Variants in KIF26B observed in about 807,000 individuals in gnomAD.
KIF26B encodes kinesin family member 26B.
Under a neutral mutation model 151.2 loss-of-function variants are expected in KIF26B, and 63 were observed. The observed-to-expected ratio is 0.42, with a 90% CI of 0.34 to 0.51. KIF26B has a LOEUF of 0.51. Ranked by LOEUF, KIF26B falls within the 20% of genes least tolerant of loss-of-function variation. KIF26B has a pLI of 0.07. For synonymous variants in KIF26B, 1,357 were observed against 1,262.1 expected (o/e 1.08, Z -1.59); for missense variants, 2,813 against 2,913.6 (o/e 0.97, Z 0.79).
At chr1:245,441,135 C>T (rs1160412226) in intron 4 of KIF26B, among the ~76,000 whole-genome samples, 5 of 152,136 alleles carry the variant, frequency 3.3e-5, no homozygotes, top group Middle Eastern at 3.2e-3. Context: ...CAGCCATCTG[C>T]GTGCTTGGAA....
At chr1:245,636,622 C>T (rs2043837178) in intron 9 of KIF26B, among the ~76,000 whole-genome samples, 1 of 151,822 alleles carries the variant, frequency 6.6e-6, no homozygotes, top group Non-Finnish European at 1.5e-5. Context: ...ATGTTTGTAC[C>T]TGCTAACCAA....
intron 5 of KIF26B, among the ~76,000 whole-genome samples, chr1:245,561,521 G>C (rs1299873819): frequency 6.6e-6 from 1 of 152,172 alleles, no homozygotes; most frequent in African/African-American, 2.4e-5. Context: ...TCTTCCCTAG[G>C]GCTGGGTACT....
intron 5 of KIF26B, among the ~76,000 whole-genome samples, chr1:245,589,066 T>C (rs973290314): frequency 3.3e-5 from 5 of 152,180 alleles, no homozygotes; most frequent in Non-Finnish European, 7.3e-5. Flanking sequence ...TCAGTATACG[T>C]CGGGCTCTTA....
chr1:245,707,318 G>A lies in KIF26B; in HGVS notation c.*4712G>A, dbSNP rs188515328. On this transcript the variant is annotated 3_prime_UTR_variant, in exon 15 of 15. Transcript: ENST00000407071. ...TCCCAAGGTCCACACGTGTGGAGGC[G>A]AGTACTGAAATACCACACTCACACA... The A allele has an allele frequency of 7.2e-5, 11 of 152,194 alleles. No individual in the cohort carries two copies. The highest frequency in any genetic ancestry group is 3.9e-4 in the East Asian group (2 of 5,178). The allele number at this position is 152,194 out of a possible 1,614,324, so 9.4% of individuals were successfully genotyped here.
chr1:245,547,135 G>C lies in KIF26B; in HGVS notation c.1350+6185G>C, dbSNP rs1218323203. On this transcript the variant is annotated intron_variant, in intron 5 of 14. Coordinates refer to ENST00000407071, the MANE Select transcript of KIF26B (RefSeq NM_018012.4). ...CTGCCAGAAGGGCCATGCTATTTCTGGGGCAAACCTGAAAGACCTCAGACA... is the reference window on the plus strand; with the variant it reads ...CTGCCAGAAGGGCCATGCTATTTCTCGGGCAAACCTGAAAGACCTCAGACA... Among the ~76,000 whole-genome samples the C allele has an allele frequency of 2.0e-5, 3 of 152,228 alleles. No homozygotes were observed. The East Asian group carries it at 5.8e-4, about 29-fold the overall frequency.
chr1:245,653,679 C>T (rs1279598154), intron 10 of KIF26B, among the ~76,000 whole-genome samples: 1 of 152,130 alleles, frequency 6.6e-6, no homozygotes, highest in Non-Finnish European at 1.5e-5. Context: ...GAATATTGTG[C>T]TCGGTCAACA....
chr1:245,566,013 C>T lies in KIF26B; in HGVS notation c.1350+25063C>T, dbSNP rs533379046. ...CAGACTCTTTAAAACAACCATTTCT[C>T]ACATGAACTAACTGAGCGAGAGCTC... On this transcript the variant is annotated intron_variant, in intron 5 of 14. Coordinates refer to ENST00000407071, the MANE Select transcript of KIF26B (RefSeq NM_018012.4). Among the ~76,000 whole-genome samples, 8 of 152,338 alleles carry T rather than the reference C, an allele frequency of 5.3e-5. No individual in the cohort carries two copies. The South Asian group carries it at 1.7e-3, about 32-fold the overall frequency.
intron 2 of KIF26B, among the ~76,000 whole-genome samples, chr1:245,356,092 A>G (rs926677887): frequency 6.6e-6 from 1 of 152,162 alleles, no homozygotes; most frequent in African/African-American, 2.4e-5. Flanking sequence ...GAGCTTCCCA[A>G]GTGACTCTGC....
chr1:245,579,312 GA>G (rs944212443), intron 5 of KIF26B, among the ~76,000 whole-genome samples: 38 of 150,676 alleles, frequency 2.5e-4, no homozygotes, highest in Admixed American at 1.3e-3. Context: ...AATTTTCTAG[GA>G]AAAAAAAATA....
At position 245,356,730 on chromosome 1, in the gene KIF26B, C is replaced by CT. The variant is rs555812072; in HGVS notation, c.466-10104_466-10103insT. ...ATGACGCATTCCGCAGTGAACAACA[C>CT]AGACAAATGTGCCTGCTGTCACCTA... On this transcript the variant is annotated intron_variant, in intron 2 of 14. Transcript: ENST00000407071. 1.0e-3 allele frequency among the ~76,000 whole-genome samples: 158 copies of CT among 152,302 alleles called. 2 individuals carry two copies. The highest frequency in any genetic ancestry group is 3.5e-3 in the African/African-American group (147 of 41,566).
intron 9 of KIF26B, among the ~76,000 whole-genome samples, chr1:245,644,512 T>C (rs1168245292): frequency 6.6e-6 from 1 of 152,240 alleles, no homozygotes; most frequent in African/African-American, 2.4e-5. Flanking sequence ...AGTCTTTACT[T>C]TGTAAATATT....
At chr1:245,612,585 AAAC>A (rs2043539505) in intron 9 of KIF26B, among the ~76,000 whole-genome samples, 1 of 152,212 alleles carries the variant, frequency 6.6e-6, no homozygotes, top group Non-Finnish European at 1.5e-5. Context: ...TACAAAAAGA[AAAC>A]AACTGCCTGA....
intron 4 of KIF26B, among the ~76,000 whole-genome samples, chr1:245,498,194 G>A (rs969396472): frequency 2.0e-5 from 3 of 152,176 alleles, no homozygotes; most frequent in Non-Finnish European, 4.4e-5. Context: ...TGAGATGAGA[G>A]CCTGGGCTGT....
intron 2 of KIF26B, among the ~76,000 whole-genome samples, chr1:245,349,168 G>T (rs1469960083): frequency 6.6e-6 from 1 of 152,192 alleles, no homozygotes; most frequent in Non-Finnish European, 1.5e-5. Context: ...AATCAATGAA[G>T]TTGCCACAGG....
chr1:245,479,419 A>G (rs1010508642), intron 4 of KIF26B, among the ~76,000 whole-genome samples: 3 of 151,888 alleles, frequency 2.0e-5, no homozygotes, highest in African/African-American at 4.8e-5. Flanking sequence ...AGGCATATGC[A>G]TCAATATCGT....
intron 2 of KIF26B, chr1:245,353,919 A>T (rs1041568713): frequency 3.3e-5 from 5 of 152,616 alleles, no homozygotes; most frequent in African/African-American, 4.8e-5. Flanking sequence ...CCTCACAGGT[A>T]GGTCTTGGAG....
At chr1:245,399,113 C>G (rs1275584730) in intron 3 of KIF26B, among the ~76,000 whole-genome samples, 1 of 152,152 alleles carries the variant, frequency 6.6e-6, no homozygotes, top group Non-Finnish European at 1.5e-5. Context: ...CATTGTCTCC[C>G]TCCAGTGAGG....
At chr1:245,669,982 G>A (rs767170559) in intron 10 of KIF26B, among the ~76,000 whole-genome samples, 24 of 152,196 alleles carry the variant, frequency 1.6e-4, no homozygotes, top group Non-Finnish European at 3.1e-4. Flanking sequence ...TGGAGACTCC[G>A]AAGGGGAAAG....
chr1:245,321,707 A>G (rs1465863285), intron 2 of KIF26B, among the ~76,000 whole-genome samples: 1 of 152,236 alleles, frequency 6.6e-6, no homozygotes, highest in Non-Finnish European at 1.5e-5. Flanking sequence ...AGGCTTCCTT[A>G]TTCCCATTTG....
Sources: gnomAD v4.1 joint callset for allele counts (sites outside exome capture counted in the v4.1 genomes callset) on GRCh38, gnomAD v4.1.1 for gene constraint, MANE v1.5 for transcripts, NCBI Gene and HGNC (gene_info 2026-07-23, HGNC 2026-07-21) for gene names.